Variants in GNE observed in about 807,000 individuals in gnomAD.
GNE encodes bifunctional UDP-N-acetylglucosamine 2-epimerase/N-acetylmannosamine kinase.
GNE carries 41 observed loss-of-function variants against 61.8 expected under a neutral mutation model. The observed-to-expected ratio is 0.66, with a 90% CI of 0.52 to 0.86. The LOEUF is 0.86. GNE is among the 40% of genes least tolerant of loss of function. GNE has a pLI of 0.00. For missense variants in GNE, 608 were observed against 909.1 expected, an observed-to-expected ratio of 0.67 and a Z score of 4.26; for synonymous variants, 264 against 326.4, an observed-to-expected ratio of 0.81 and a Z score of 2.06.
At chr9:36,253,222 C>A (rs1318007791) in intron 1 of GNE, among the ~76,000 whole-genome samples, 2 of 151,204 alleles carry the variant, frequency 1.3e-5, no homozygotes, top group Non-Finnish European at 2.9e-5. Flanking sequence ...TACACACATA[C>A]ACAACGTATA....
At chr9:36,254,759 C>A (rs955547879) in intron 1 of GNE, among the ~76,000 whole-genome samples, 1 of 152,110 alleles carries the variant, frequency 6.6e-6, no homozygotes, top group African/African-American at 2.4e-5. Flanking sequence ...CAAGACCTGC[C>A]TGGCTAACAT....
chr9:36,269,415 T>C lies in GNE; in HGVS notation c.51+7479A>G, dbSNP rs192276692. On this transcript the variant is annotated intron_variant, in intron 1 of 11. Coordinates refer to the GNE transcript ENST00000396594. ...GATACATACTCCAGCCTGGCCTTTC[T>C]TCCCAGCTTGAGGCCCCTATGTTCA... Among the ~76,000 whole-genome samples the C allele has an allele frequency of 9.8e-4, 148 of 151,702 alleles. 1 individual carries two copies. Among genetic ancestry groups the C allele is most frequent in the Admixed American group, 4.9e-3 (74 of 15,088 alleles).
intron 3 of GNE, among the ~76,000 whole-genome samples, chr9:36,237,600 A>T (rs953723361): frequency 6.6e-6 from 1 of 152,326 alleles, no homozygotes; most frequent in African/African-American, 2.4e-5. Flanking sequence ...GTATTTACCA[A>T]TAGGGCCTAT....
In GNE at chr9:36,229,072, TGGGTGTCA is replaced by T; in HGVS notation, c.1011_1018del (p.Asp338ArgfsTer13). On this transcript the variant is annotated frameshift_variant, in exon 6 of 12. Coordinates refer to ENST00000642385, the MANE Select transcript of GNE (RefSeq NM_005476.7). LOFTEE classifies it high-confidence loss of function. ...GTGCAGTGCTTGCAATATTTTGTCT[TGGGTGTCA>T]GCATCCCGGACATGAAGAACATTCT... 6.2e-7 allele frequency: 1 copy of T among 1,611,346 alleles called. No homozygotes were observed. Among genetic ancestry groups the T allele is most frequent in the Non-Finnish European group, 8.5e-7 (1 of 1,177,486 alleles).
upstream of GNE, among the ~76,000 whole-genome samples, chr9:36,259,034 C>T (rs575192558): frequency 6.6e-6 from 1 of 152,256 alleles, no homozygotes; most frequent in Admixed American, 6.5e-5. Context: ...CAGGGAGAAA[C>T]GTGGCGGTGG....
At chr9:36,267,781 G>A (rs1406789681) in intron 1 of GNE, 1 of 151,984 alleles carries the variant, frequency 6.6e-6, no homozygotes, top group Non-Finnish European at 1.5e-5. Context: ...GTATCATACT[G>A]TAGCTTTGTG....
intron 2 of GNE, among the ~76,000 whole-genome samples, chr9:36,246,730 G>A (rs1030779565): frequency 1.2e-4 from 18 of 146,566 alleles, no homozygotes; most frequent in Non-Finnish European, 2.5e-4. Context: ...GTGCAGTAGC[G>A]CGATCTAGGC....
intron 7 of GNE, among the ~76,000 whole-genome samples, chr9:36,226,233 TGCG>T (rs1828857686): frequency 2.0e-5 from 3 of 152,146 alleles, no homozygotes; most frequent in Non-Finnish European, 4.4e-5. Context: ...AGTGCAGTGG[TGCG>T]ATCTTGGCTC....
chr9:36,220,101 C>G (rs1828523999), intron 9 of GNE, 81 bp from the exon 10 acceptor site: 2 of 1,181,512 alleles, frequency 1.7e-6, no homozygotes, highest in Non-Finnish European at 2.5e-6. Context: ...ATCTATTTAG[C>G]AGAGCTTTGG....
intron 7 of GNE, among the ~76,000 whole-genome samples, chr9:36,224,407 C>T (rs952301420): frequency 6.6e-6 from 1 of 152,056 alleles, no homozygotes; most frequent in Non-Finnish European, 1.5e-5. Flanking sequence ...GCACTCCAGC[C>T]TGGGCAACAG....
At chr9:36,235,798 A>G (rs1474852067) in intron 4 of GNE, among the ~76,000 whole-genome samples, 2 of 152,196 alleles carry the variant, frequency 1.3e-5, no homozygotes, top group African/African-American at 4.8e-5. Context: ...TAAGTTGGTG[A>G]TATCTTGACA....
intron 5 of GNE, among the ~76,000 whole-genome samples, chr9:36,231,418 C>G (rs780577426): frequency 5.3e-5 from 8 of 152,180 alleles, no homozygotes; most frequent in Non-Finnish European, 1.2e-4. Flanking sequence ...GCACTCCAGC[C>G]TGAGCAACAG....
At position 36,223,457 on chromosome 9, in the gene GNE, C is replaced by T. The variant is rs1337925138; in HGVS notation, c.1327G>A (p.Glu443Lys). ...KYTQFNPKTY[E>K]ERINLILQMC... ...TGTAGGATTAAATTAATCCTCTCTT[C>T]ATAGGTTTTAGGATTGAACTGAGTA... Residue 443 changes from glutamate to lysine, a missense_variant, in exon 8 of 12, where the codon GAA (glutamate) becomes AAA (lysine). Glu to Lys is a moderately conservative substitution (Grantham distance 56). Transcript: ENST00000642385. The T allele has an allele frequency of 1.6e-5, 26 of 1,610,226 alleles. No homozygotes were observed. The highest frequency in any genetic ancestry group is 2.2e-5 in the Non-Finnish European group (26 of 1,176,750).
At chr9:36,228,045 A>C (rs1285678452) in intron 6 of GNE, among the ~76,000 whole-genome samples, 3 of 151,284 alleles carry the variant, frequency 2.0e-5, no homozygotes, top group South Asian at 2.1e-4. Context: ...AAAAAAAAAA[A>C]AAAAAACAAC....
intron 1 of GNE, among the ~76,000 whole-genome samples, chr9:36,271,594 G>A (rs1424435962): frequency 6.6e-6 from 1 of 151,978 alleles, no homozygotes; most frequent in Non-Finnish European, 1.5e-5. Flanking sequence ...GGCTAGTCTC[G>A]AACTCCTGAC....
chr9:36,276,854 A>T, intron 1 of GNE: 1 of 1,484,298 alleles, frequency 6.7e-7, no homozygotes, highest in Admixed American at 1.9e-5. Context: ...TCTGATTGCA[A>T]TTTCAATAAT....
chr9:36,215,917 C>T lies in GNE; in HGVS notation c.*1448G>A. 5.3e-6 allele frequency: 1 copy of T among 190,102 alleles called. No individual in the cohort carries two copies. The highest frequency in any genetic ancestry group is 5.5e-5 in the Admixed American group (1 of 18,138). 11.8% of individuals were successfully genotyped at this position (190,102 alleles called of 1,614,324 possible). A position where few individuals can be genotyped will look rare whatever the true frequency, so the allele number is the denominator to read the frequency against. On this transcript the variant is annotated 3_prime_UTR_variant, in exon 12 of 12. Coordinates refer to ENST00000642385, the MANE Select transcript of GNE (RefSeq NM_005476.7). ...ACTGAAGGAAGAAGTGTCTGCTGGT[C>T]AGTAGCAAAGATCCTTTTGGGACAG...
At position 36,228,349 on chromosome 9, in the gene GNE, G is replaced by A. The variant is rs1047640293; in HGVS notation, c.1070+672C>T. Reference sequence around the variant, plus strand: ...TATTCAAATACAGGGAAATCTCATCGATTTGAAACAGAAAGGAGGGTGGTC... The same window carrying A: ...TATTCAAATACAGGGAAATCTCATCAATTTGAAACAGAAAGGAGGGTGGTC... On this transcript the variant is annotated intron_variant, in intron 6 of 11. Transcript: ENST00000642385. 3.3e-5 allele frequency among the ~76,000 whole-genome samples: 5 copies of A among 151,680 alleles called. No homozygotes were observed. The East Asian group carries it at 5.8e-4, about 18-fold the overall frequency.
rs1554661032 is a variant in GNE, at chr9:36,233,950, G to C, written c.952C>G (p.Leu318Val). ...VGAFGTPVINLGTRQIGRETG... is the reference protein window; with the variant it reads ...VGAFGTPVINVGTRQIGRETG... ...TCTCTTCCAATCTGACGTGTTCCCA[G>C]GTTGATCACAGGTGTTCCAAAAGCT... The change falls in exon 5 of 12, where the codon CTG becomes GTG. Residue 318 changes from leucine to valine, a missense_variant. Coordinates refer to ENST00000642385, the MANE Select transcript of GNE (RefSeq NM_005476.7). The C allele has an allele frequency of 1.2e-6, 2 of 1,614,082 alleles. No individual in the cohort carries two copies. Among genetic ancestry groups the C allele is most frequent in the Non-Finnish European group, 1.7e-6 (2 of 1,179,950 alleles).
Sources: gnomAD v4.1 joint callset for allele counts (sites outside exome capture counted in the v4.1 genomes callset) on GRCh38, gnomAD v4.1.1 for gene constraint, MANE v1.5 for transcripts, NCBI Gene and HGNC (gene_info 2026-07-23, HGNC 2026-07-21) for gene names.